INVS: variants seen among roughly 807,000 people sequenced by gnomAD.
INVS encodes inversin, also known as inversion of embryo turning homolog.
Under a neutral mutation model 108.8 loss-of-function variants are expected in INVS, and 86 were observed. The observed-to-expected ratio is 0.79, with a 90% CI of 0.66 to 0.95. INVS has a LOEUF of 0.95. INVS is among the 40% of genes least tolerant of loss of function. The probability of loss-of-function intolerance (pLI) is 0.00; values close to 1 mark genes in which losing one functional copy is unlikely to be tolerated. For synonymous variants in INVS, 455 were observed against 473.5 expected (o/e 0.96, Z 0.51); for missense variants, 1,169 against 1,297.4 (o/e 0.90, Z 1.52).
In INVS at chr9:100,288,638, T is replaced by A. The variant is rs948990848; in HGVS notation, c.2069-3688T>A. ...GTACAACCATACTTTTTTTTTTTTT[T>A]AAGACAGGGTCTCACCCTGTCACCC... On this transcript the variant is annotated intron_variant, in intron 13 of 16. Coordinates refer to ENST00000262457, the MANE Select transcript of INVS (RefSeq NM_014425.5). Among the ~76,000 whole-genome samples, 151 of 151,660 alleles carry A rather than the reference T, an allele frequency of 1.0e-3. 1 individual carries two copies. Among genetic ancestry groups the A allele is most frequent in the Non-Finnish European group, 2.8e-4 (19 of 67,850 alleles).
intron 3 of INVS, among the ~76,000 whole-genome samples, chr9:100,171,736 T>G (rs1480180750): frequency 6.6e-6 from 1 of 152,194 alleles, no homozygotes; most frequent in Non-Finnish European, 1.5e-5. Context: ...CCTTTCCTAC[T>G]TCCTCATACC....
chr9:100,301,562 C>T lies in INVS; in HGVS notation c.*888C>T, dbSNP rs1315220375. On this transcript the variant is annotated 3_prime_UTR_variant, in exon 17 of 17. Transcript: ENST00000262457. ...TGGCAGGGAAGAATGAAACGGCACA[C>T]ATCCTAGCATTCTAAGAACACCTGG... is the stretch of plus-strand genomic sequence containing the variant. Among the ~76,000 whole-genome samples, 3 of 152,202 alleles carry T rather than the reference C, an allele frequency of 2.0e-5. No homozygotes were observed. The highest frequency in any genetic ancestry group is 2.9e-5 in the Non-Finnish European group (2 of 68,040).
intron 1 of INVS, among the ~76,000 whole-genome samples, chr9:100,100,044 T>G (rs770174730): frequency 6.6e-6 from 1 of 152,190 alleles, no homozygotes; most frequent in Non-Finnish European, 1.5e-5. Context: ...ACTCTTCCTA[T>G]GAGTGTGACT....
chr9:100,173,867 G>A (rs191649705), intron 3 of INVS, among the ~76,000 whole-genome samples: 70 of 152,316 alleles, frequency 4.6e-4, no homozygotes, highest in African/African-American at 1.5e-3. Context: ...AAAAATTCAG[G>A]CAGCCAAGCT....
At chr9:100,140,491 T>C (rs1828389837) in intron 3 of INVS, among the ~76,000 whole-genome samples, 1 of 152,182 alleles carries the variant, frequency 6.6e-6, no homozygotes, top group Non-Finnish European at 1.5e-5. Flanking sequence ...ATTTCTTTTG[T>C]GGTGGAATGT....
intron 2 of INVS, among the ~76,000 whole-genome samples, chr9:100,113,844 C>T (rs995719254): frequency 1.3e-5 from 2 of 152,202 alleles, no homozygotes; most frequent in African/African-American, 2.4e-5. Flanking sequence ...TCTAACTGTA[C>T]CCATTGACAT....
rs115042730 is a variant in INVS at position 100,284,480 on chromosome 9, G to A, written c.1945G>A (p.Val649Met). 1.4e-4 allele frequency: 222 copies of A among 1,614,142 alleles called. No individual in the cohort carries two copies. In the African/African-American group the frequency reaches 2.6e-3, roughly 19 times the overall value. ...APSKQPPAGN[V>M]AQGPEPRDSR... is the part of the protein sequence containing the mutation. Reference sequence around the variant, plus strand: ...CAGCAAGCAGCCTCCTGCTGGCAACGTGGCCCAAGGCCCTGAGCCAAGAGA... The same window carrying A: ...CAGCAAGCAGCCTCCTGCTGGCAACATGGCCCAAGGCCCTGAGCCAAGAGA... Residue 649 changes from valine to methionine, a missense_variant, in exon 13 of 17, where the codon GTG (valine) becomes ATG (methionine). Around this residue, in one of 3 missense-constraint regions of INVS, gnomAD observed 533 missense variants for 536.0 expected, o/e 0.99. Transcript: ENST00000262457.
chr9:100,167,049 G>A (rs1256037896), intron 3 of INVS, among the ~76,000 whole-genome samples: 2 of 151,988 alleles, frequency 1.3e-5, no homozygotes, highest in Non-Finnish European at 2.9e-5. Flanking sequence ...TGGCCAACAT[G>A]GCGAAACCCC....
intron 3 of INVS, among the ~76,000 whole-genome samples, chr9:100,222,611 A>C (rs1831186903): frequency 6.6e-6 from 1 of 152,202 alleles, no homozygotes; most frequent in African/African-American, 2.4e-5. Context: ...CACTGTGTCT[A>C]TAGCTCAGTA....
intron 3 of INVS, among the ~76,000 whole-genome samples, chr9:100,145,542 C>T (rs1381598869): frequency 2.0e-5 from 3 of 151,558 alleles, no homozygotes; most frequent in Admixed American, 1.3e-4. Flanking sequence ...GTGGTACTTG[C>T]CACTAAGGGT....
chr9:100,242,875 T>C (rs1297279464), intron 7 of INVS, among the ~76,000 whole-genome samples, 196 bp downstream of exon 7: 1 of 152,216 alleles, frequency 6.6e-6, no homozygotes, highest in Non-Finnish European at 1.5e-5. Context: ...TTCACTCTAA[T>C]GATAACATCC....
At chr9:100,176,286 G>C (rs1564145050) in intron 3 of INVS, among the ~76,000 whole-genome samples, 1 of 152,114 alleles carries the variant, frequency 6.6e-6, no homozygotes, top group Non-Finnish European at 1.5e-5. Flanking sequence ...GAGAAAAAAG[G>C]TTTTAATAAC....
intron 5 of INVS, among the ~76,000 whole-genome samples, chr9:100,235,080 C>T (rs180968636): frequency 3.6e-4 from 55 of 152,136 alleles, no homozygotes; most frequent in African/African-American, 1.2e-3. Flanking sequence ...TAGGATAGTT[C>T]GCTCTTCTTG....
intron 3 of INVS, chr9:100,131,011 G>A (rs2118910818): frequency 1.3e-5 from 2 of 152,292 alleles, no homozygotes; most frequent in Middle Eastern, 3.4e-3. Flanking sequence ...TAGTTTTTGT[G>A]TGTGTGTGAT....
At chr9:100,236,153 G>C (rs776263995) in intron 5 of INVS, among the ~76,000 whole-genome samples, 14 of 152,146 alleles carry the variant, frequency 9.2e-5, no homozygotes, top group Middle Eastern at 3.2e-3. Context: ...CGATCCGGCT[G>C]TTGATACTTG....
intron 3 of INVS, among the ~76,000 whole-genome samples, chr9:100,203,539 A>G (rs1362201973): frequency 1.6e-5 from 2 of 128,748 alleles, no homozygotes; most frequent in East Asian, 2.1e-4. Flanking sequence ...GTCTCACTCT[A>G]TCATCTAGGC....
intron 4 of INVS, among the ~76,000 whole-genome samples, chr9:100,228,191 A>G (rs1831395592): frequency 1.3e-5 from 2 of 151,956 alleles, no homozygotes; most frequent in Admixed American, 6.5e-5. Context: ...GGGTTTCACC[A>G]TGTTGACCAG....
intron 3 of INVS, among the ~76,000 whole-genome samples, chr9:100,190,834 A>T (rs1018426623): frequency 1.4e-4 from 21 of 151,548 alleles, no homozygotes; most frequent in African/African-American, 4.9e-4. Context: ...CCTGATAATT[A>T]TATGCCTTGG....
chr9:100,250,600 G>A (rs1033633464), intron 8 of INVS, among the ~76,000 whole-genome samples: 23 of 152,202 alleles, frequency 1.5e-4, no homozygotes, highest in Admixed American at 9.8e-4. Context: ...GTCAAATCCC[G>A]TAGCAAGTCC....
Sources: allele counts gnomAD v4.1 joint callset (sites outside exome capture counted in the v4.1 genomes callset), GRCh38; gene constraint gnomAD v4.1.1; regional missense constraint gnomAD v4.1.1; transcripts MANE v1.5; gene names NCBI Gene and HGNC (gene_info 2026-07-23, HGNC 2026-07-21).